CFAP300: variants seen among roughly 807,000 people sequenced by gnomAD.
CFAP300 encodes the protein cilia- and flagella-associated protein 300.
In CFAP300, 32 loss-of-function variants were observed where a neutral mutation model predicts 33.0. That is an observed-to-expected ratio of 0.97 (90% confidence interval 0.73 to 1.30). The LOEUF is 1.30. CFAP300 is among the 50% of genes most tolerant of loss of function. The pLI is 0.00. For missense variants in CFAP300, 356 were observed against 318.1 expected (o/e 1.12, Z -0.90); for synonymous variants, 102 against 106.8 (o/e 0.95, Z 0.28).
intron 2 of CFAP300, among the ~76,000 whole-genome samples, chr11:102,058,264 C>G (rs1942088508): frequency 1.3e-5 from 2 of 151,934 alleles, no homozygotes; most frequent in South Asian, 4.2e-4. Context: ...GTGCCAAGAA[C>G]TAAAGCTCTT....
chr11:102,066,155 A>G (rs1438646676), intron 3 of CFAP300, among the ~76,000 whole-genome samples: 1 of 151,876 alleles, frequency 6.6e-6, no homozygotes, highest in Non-Finnish European at 1.5e-5. Context: ...TTGTATTTTT[A>G]GTAGAGACGA....
rs1941897835 is a variant in CFAP300 at position 102,047,562 on chromosome 11, C to T, written c.92C>T (p.Thr31Ile). The change falls in exon 1 of 7, where the codon ACC becomes ATC. Residue 31 changes from threonine to isoleucine, a missense_variant. Thr to Ile is a moderately conservative substitution (Grantham distance 89, BLOSUM62 -1). Transcript: ENST00000434758. ...TFQSLSSKEI[T>I]SRLRQWSMLG... ...CAGTCTCTGAGCTCTAAGGAGATCA[C>T]CAGCCGGCTCCGCCAGTGGTGAGGA... The T allele has an allele frequency of 6.5e-7, 1 of 1,535,872 alleles. No homozygotes were observed. The highest frequency in any genetic ancestry group is 8.7e-7 in the Non-Finnish European group (1 of 1,146,772).
At chr11:102,049,963 CAACA>C (rs1166551473) in intron 2 of CFAP300, among the ~76,000 whole-genome samples, 9 of 151,882 alleles carry the variant, frequency 5.9e-5, no homozygotes, top group Non-Finnish European at 1.2e-4. Context: ...CCAGCCTGGG[CAACA>C]TAGTGAGATC....
At chr11:102,080,006 G>A (rs1233715804) in intron 5 of CFAP300, among the ~76,000 whole-genome samples, 1 of 152,166 alleles carries the variant, frequency 6.6e-6, no homozygotes, top group Non-Finnish European at 1.5e-5. Flanking sequence ...TGGAGGCAGG[G>A]TGCAGTGGCC....
At chr11:102,071,786 T>C (rs543996979) in intron 4 of CFAP300, among the ~76,000 whole-genome samples, 1 of 152,290 alleles carries the variant, frequency 6.6e-6, no homozygotes, top group South Asian at 2.1e-4. Context: ...AATCATCCCA[T>C]CCTCTACTGG....
intron 5 of CFAP300, among the ~76,000 whole-genome samples, chr11:102,078,750 C>G (rs1238649506): frequency 6.6e-6 from 1 of 152,006 alleles, no homozygotes; most frequent in African/African-American, 2.4e-5. Flanking sequence ...ACTCTATCGC[C>G]CAGGCTGGAA....
intron 2 of CFAP300, among the ~76,000 whole-genome samples, chr11:102,056,309 G>A (rs1942055970): frequency 6.6e-6 from 1 of 152,124 alleles, no homozygotes; most frequent in African/African-American, 2.4e-5. Context: ...CTTATCCACT[G>A]GTGGTTTCAG....
At position 102,066,532 on chromosome 11, in the gene CFAP300, C is replaced by A; in HGVS notation, c.316C>A (p.Leu106Ile). 1 of 1,611,294 alleles carries A rather than the reference C, an allele frequency of 6.2e-7. No homozygotes were observed. The change falls in exon 4 of 7, where the codon CTT becomes ATT. Residue 106 changes from leucine (L) to isoleucine (I), a missense_variant. Coordinates refer to ENST00000434758, the MANE Select transcript of CFAP300 (RefSeq NM_032930.3). The stretch of plus-strand genomic sequence containing the variant: ...AGCTATAAATGTTCCTTGCACACAG[C>A]TTTCAATGTCATTTTTTCATCGGTT... Reference protein sequence around the residue: ...IEAINVPCTQLSMSFFHRLYD... With the variant: ...IEAINVPCTQISMSFFHRLYD...
chr11:102,056,890 C>T (rs908734475), intron 2 of CFAP300, among the ~76,000 whole-genome samples: 4 of 151,730 alleles, frequency 2.6e-5, no homozygotes, highest in Admixed American at 1.3e-4. Flanking sequence ...CTCCCAAAGT[C>T]CTGGGATTAC....
chr11:102,073,418 A>C (rs1942343894), intron 4 of CFAP300, among the ~76,000 whole-genome samples: 1 of 152,018 alleles, frequency 6.6e-6, no homozygotes, highest in African/African-American at 2.4e-5. Context: ...GACGGGGCAA[A>C]CCCCAGAGTC....
At position 102,076,948 on chromosome 11, in the gene CFAP300, A is replaced by G. The variant is rs113542293; in HGVS notation, c.608+903A>G. Among the ~76,000 whole-genome samples the G allele has an allele frequency of 2.4e-3, 372 of 152,312 alleles. 1 individual carries two copies. The highest frequency in any genetic ancestry group is 8.5e-3 in the African/African-American group (354 of 41,578). ...ACAGATTATTGGAAGAAGATATGTT[A>G]GAAACAGAATTTCAGAAAAAGCATA... On this transcript the variant is annotated intron_variant, in intron 5 of 6. Transcript: ENST00000434758.
intron 4 of CFAP300, among the ~76,000 whole-genome samples, chr11:102,069,429 T>C (rs1198998704): frequency 6.6e-6 from 1 of 152,178 alleles, no homozygotes; most frequent in African/African-American, 2.4e-5. Flanking sequence ...TGTATGTGAA[T>C]GGAGAGGGAG....
At chr11:102,055,870 C>T (rs1354876929) in intron 2 of CFAP300, among the ~76,000 whole-genome samples, 2 of 151,224 alleles carry the variant, frequency 1.3e-5, no homozygotes, top group Admixed American at 1.3e-4. Context: ...AGAGTTTCAC[C>T]GTGTTAGTCA....
At chr11:102,081,692 A>C (rs1196653545) in intron 6 of CFAP300, among the ~76,000 whole-genome samples, 2 of 152,060 alleles carry the variant, frequency 1.3e-5, no homozygotes, top group Non-Finnish European at 2.9e-5. Context: ...GGAGATCGAG[A>C]CCATCCTGGC....
Position 102,076,004 on chromosome 11 carries a change from A to T in CFAP300, c.567A>T (p.Pro189=). Reference sequence around the variant, plus strand: ...GTCAATATGAGGATGTGATTAGCCCATATCTGGAAACAACAAAGCTTATCT... The same window carrying T: ...GTCAATATGAGGATGTGATTAGCCCTTATCTGGAAACAACAAAGCTTATCT... The part of the protein sequence containing the change: ...ALCQYEDVIS[P]YLETTKLIYK... The change falls in exon 5 of 7, where the codon CCA becomes CCT. Residue 189 remains proline, a synonymous_variant. Coordinates refer to ENST00000434758, the MANE Select transcript of CFAP300 (RefSeq NM_032930.3). 1 of 1,613,334 alleles carries T rather than the reference A, an allele frequency of 6.2e-7. No homozygotes were observed. The highest frequency in any genetic ancestry group is 1.3e-5 in the African/African-American group (1 of 75,002).
At chr11:102,055,254 C>T (rs1305795356) in intron 2 of CFAP300, among the ~76,000 whole-genome samples, 1 of 151,798 alleles carries the variant, frequency 6.6e-6, no homozygotes, top group Non-Finnish European at 1.5e-5. Flanking sequence ...GCTGGGATTA[C>T]AGGTGTGAGT....
chr11:102,054,093 C>T (rs1942012790), intron 2 of CFAP300, among the ~76,000 whole-genome samples: 2 of 152,172 alleles, frequency 1.3e-5, no homozygotes, highest in Non-Finnish European at 2.9e-5. Context: ...AACAGGCAAA[C>T]GCCACAATCA....
rs1190844329 is a variant in CFAP300, at chr11:102,076,042, T to C, written c.605T>C (p.Val202Ala). ...ETTKLIYKDL[V>A]SVRKNPQTKK... is the part of the protein sequence containing the mutation. ...ACAAAGCTTATCTATAAGGATCTGG[T>C]GAGGTAATGTTGCTAGATCACAATA... Residue 202 changes from valine to alanine, a missense_variant, in exon 5 of 7, where the codon GTG becomes GCG. Coordinates refer to ENST00000434758, the MANE Select transcript of CFAP300 (RefSeq NM_032930.3). 4 of 1,604,466 alleles carry C rather than the reference T, an allele frequency of 2.5e-6. No individual in the cohort carries two copies. In the African/African-American group the frequency reaches 5.4e-5, roughly 22 times the overall value.
At chr11:102,050,630 C>A (rs1941953844) in intron 2 of CFAP300, among the ~76,000 whole-genome samples, 1 of 152,098 alleles carries the variant, frequency 6.6e-6, no homozygotes, top group African/African-American at 2.4e-5. Context: ...AAATACATAC[C>A]TGAGGCATAA....
Sources: gnomAD v4.1 joint callset for allele counts (sites outside exome capture counted in the v4.1 genomes callset) on GRCh38, gnomAD v4.1.1 for gene constraint, MANE v1.5 for transcripts, NCBI Gene and HGNC (gene_info 2026-07-23, HGNC 2026-07-21) for gene names.